The following GPC5 variants were observed in gnomAD, a reference collection of about 807,000 sequenced individuals.
The protein encoded by GPC5 is glypican 5.
Under a neutral mutation model 53.9 loss-of-function variants are expected in GPC5, and 47 were observed. The observed-to-expected ratio is 0.87, with a 90% CI of 0.69 to 1.11. GPC5 has a LOEUF of 1.11. Among genes scored for constraint, GPC5 ranks in the 50% most tolerant of loss-of-function variants. GPC5 has a pLI of 0.00. For synonymous variants in GPC5, 286 were observed against 263.3 expected (o/e 1.09, Z -0.84); for missense variants, 748 against 713.1 (o/e 1.05, Z -0.56).
chr13:92,230,192 A>G (rs953736440), intron 7 of GPC5, among the ~76,000 whole-genome samples: 3 of 152,180 alleles, frequency 2.0e-5, no homozygotes, highest in African/African-American at 7.2e-5. Flanking sequence ...TAATATCTCC[A>G]TTACTCTTAT....
chr13:91,940,910 G>A (rs1457758469), intron 6 of GPC5, among the ~76,000 whole-genome samples: 1 of 151,914 alleles, frequency 6.6e-6, no homozygotes, highest in African/African-American at 2.4e-5. Context: ...TGGATGCATA[G>A]TATGTGAATA....
chr13:92,575,191 C>T (rs1883152135), intron 7 of GPC5, among the ~76,000 whole-genome samples: 1 of 152,242 alleles, frequency 6.6e-6, no homozygotes, highest in African/African-American at 2.4e-5. Flanking sequence ...ATGTTCAAGT[C>T]TTGACTTCTG....
At chr13:92,315,575 T>C (rs925978827) in intron 7 of GPC5, among the ~76,000 whole-genome samples, 2 of 152,200 alleles carry the variant, frequency 1.3e-5, no homozygotes, top group Non-Finnish European at 2.9e-5. Flanking sequence ...TGGGTCTCTG[T>C]ACTACAAGTG....
At chr13:91,911,617 T>A (rs1389635403) in intron 6 of GPC5, among the ~76,000 whole-genome samples, 1 of 152,158 alleles carries the variant, frequency 6.6e-6, no homozygotes, top group Non-Finnish European at 1.5e-5. Context: ...TGATAAAATT[T>A]ATGTTTTATG....
intron 1 of GPC5, 27 bp downstream of exon 1, chr13:91,399,236 A>G: frequency 1.2e-6 from 2 of 1,603,488 alleles, no homozygotes; most frequent in African/African-American, 1.3e-5. Context: ...GGGTCTCTGG[A>G]CTGGCGGCGT....
intron 7 of GPC5, among the ~76,000 whole-genome samples, chr13:92,805,409 G>A (rs1202101641): frequency 2.0e-5 from 3 of 151,966 alleles, no homozygotes; most frequent in African/African-American, 7.2e-5. Flanking sequence ...CTAGGTCAAT[G>A]GGAAGTAATA....
At chr13:92,344,422 A>G (rs1226275352) in intron 7 of GPC5, among the ~76,000 whole-genome samples, 1 of 152,104 alleles carries the variant, frequency 6.6e-6, no homozygotes, top group Non-Finnish European at 1.5e-5. Context: ...CAGCTAAACC[A>G]TATCATCATC....
At chr13:92,545,167 G>A (rs1477882008) in intron 7 of GPC5, among the ~76,000 whole-genome samples, 1 of 152,040 alleles carries the variant, frequency 6.6e-6, no homozygotes, top group Non-Finnish European at 1.5e-5. Flanking sequence ...AGAACATGTG[G>A]TGGTTGGTTT....
chr13:91,466,087 C>T (rs1465813125), intron 2 of GPC5, among the ~76,000 whole-genome samples: 3 of 152,178 alleles, frequency 2.0e-5, no homozygotes, highest in African/African-American at 4.8e-5. Flanking sequence ...GGCCAGGCCA[C>T]GAGCCAAGGC....
intron 7 of GPC5, among the ~76,000 whole-genome samples, chr13:92,380,814 C>G (rs112652463): frequency 6.6e-6 from 1 of 150,438 alleles, no homozygotes. Context: ...TGCTAGATGA[C>G]GAGTTAGTGG....
chr13:91,761,595 A>G (rs1349029387), intron 5 of GPC5, among the ~76,000 whole-genome samples: 2 of 152,160 alleles, frequency 1.3e-5, no homozygotes, highest in African/African-American at 4.8e-5. Flanking sequence ...GGAGCAGCTC[A>G]TGGAATTCAG....
At chr13:92,337,784 C>A (rs777633543) in intron 7 of GPC5, among the ~76,000 whole-genome samples, 2 of 152,126 alleles carry the variant, frequency 1.3e-5, no homozygotes, top group African/African-American at 2.4e-5. Flanking sequence ...TAGACACAGA[C>A]TTTACACCCT....
intron 2 of GPC5, among the ~76,000 whole-genome samples, chr13:91,500,375 G>C (rs917037369): frequency 6.6e-6 from 1 of 152,142 alleles, no homozygotes; most frequent in Non-Finnish European, 1.5e-5. Flanking sequence ...AATGTGGCTG[G>C]CCATCTGATA....
At chr13:92,586,223 G>T (rs547403128) in intron 7 of GPC5, among the ~76,000 whole-genome samples, 8 of 152,266 alleles carry the variant, frequency 5.3e-5, no homozygotes, top group Middle Eastern at 3.4e-3. Context: ...TAGAGAAACT[G>T]CAAGGAAATT....
chr13:91,436,026 T>A (rs1879914439), intron 1 of GPC5, among the ~76,000 whole-genome samples: 1 of 152,262 alleles, frequency 6.6e-6, no homozygotes, highest in South Asian at 2.1e-4. Context: ...GTGGGATTGG[T>A]GGTGATATCC....
intron 2 of GPC5, among the ~76,000 whole-genome samples, chr13:91,638,011 T>C (rs761223043): frequency 7.2e-5 from 11 of 152,216 alleles, no homozygotes; most frequent in Non-Finnish European, 1.0e-4. Context: ...AGCTCTATAA[T>C]TGAATCAACA....
intron 2 of GPC5, among the ~76,000 whole-genome samples, chr13:91,493,919 GC>G (rs766321659): frequency 2.0e-5 from 3 of 151,870 alleles, no homozygotes; most frequent in Non-Finnish European, 4.4e-5. Context: ...CTGTCACCAG[GC>G]TGGAGTACAG....
chr13:91,762,695 G>A (rs1229977565), intron 5 of GPC5, among the ~76,000 whole-genome samples: 1 of 150,062 alleles, frequency 6.7e-6, no homozygotes. Context: ...TATCATATTT[G>A]GTTCAGAATT....
chr13:91,909,661 C>T (rs959367743), intron 6 of GPC5, among the ~76,000 whole-genome samples: 1 of 151,994 alleles, frequency 6.6e-6, no homozygotes, highest in Admixed American at 6.6e-5. Flanking sequence ...GAAAGCAGAA[C>T]GGAAACCCTA....
Sources: gnomAD v4.1 joint callset for allele counts (sites outside exome capture counted in the v4.1 genomes callset) on GRCh38, gnomAD v4.1.1 for gene constraint, MANE v1.5 for transcripts, NCBI Gene and HGNC (gene_info 2026-07-23, HGNC 2026-07-21) for gene names.